The following RBPJ variants were observed in gnomAD, a reference collection of about 807,000 sequenced individuals.
The protein encoded by RBPJ is recombining binding protein suppressor of hairless.
In RBPJ, 9 loss-of-function variants were observed where a neutral mutation model predicts 67.8. The observed-to-expected ratio is 0.13, with a 90% CI of 0.08 to 0.23. The LOEUF (loss-of-function observed/expected upper bound fraction) is 0.23, where lower values mean the gene tolerates loss of function less well. RBPJ is among the 10% of genes least tolerant of loss of function. RBPJ has a pLI of 1.00. For synonymous variants in RBPJ, 198 were observed against 203.3 expected (o/e 0.97, Z 0.22); for missense variants, 305 against 595.6 (o/e 0.51, Z 5.08).
At chr4:26,418,273 T>C (rs1035123868) in intron 4 of RBPJ, among the ~76,000 whole-genome samples, 1 of 152,224 alleles carries the variant, frequency 6.6e-6, no homozygotes, top group Non-Finnish European at 1.5e-5. Flanking sequence ...CGTTAGCTAA[T>C]TTAACCTTTT....
At chr4:26,354,221 C>G (rs1365917012) in intron 1 of RBPJ, among the ~76,000 whole-genome samples, 2 of 152,104 alleles carry the variant, frequency 1.3e-5, no homozygotes, top group South Asian at 2.1e-4. Context: ...CTGAGCCACC[C>G]CGCCCGGCCA....
intron 1 of RBPJ, among the ~76,000 whole-genome samples, chr4:26,268,222 T>C (rs543444021): frequency 8.5e-5 from 13 of 152,160 alleles, no homozygotes; most frequent in Non-Finnish European, 1.8e-4. Flanking sequence ...GAAAACCATG[T>C]TCTTTGTTTG....
At chr4:26,155,306 G>A in the RBPJ span, among the ~76,000 whole-genome samples, 2 of 152,142 alleles carry the variant, frequency 1.3e-5, no homozygotes, top group Admixed American at 1.3e-4. Context: ...CTTCTTCTTA[G>A]CCTCTCAGCC....
intron 1 of RBPJ, among the ~76,000 whole-genome samples, chr4:26,251,213 G>C (rs1247163667): frequency 6.6e-6 from 1 of 152,194 alleles, no homozygotes; most frequent in African/African-American, 2.4e-5. Context: ...CAAACAAAGA[G>C]TAGTGGCAAA....
chr4:26,314,342 C>T (rs1722535047), intron 1 of RBPJ, among the ~76,000 whole-genome samples: 1 of 152,046 alleles, frequency 6.6e-6, no homozygotes, highest in South Asian at 2.1e-4. Context: ...CATGTGTGGG[C>T]ATATTCATAG....
the RBPJ span, among the ~76,000 whole-genome samples, chr4:26,114,082 A>G: frequency 1.3e-5 from 2 of 152,226 alleles, no homozygotes; most frequent in African/African-American, 4.8e-5. Flanking sequence ...CCAAAATTTT[A>G]TTGTAAATAT....
At chr4:26,234,008 AG>A (rs1719373988) in intron 1 of RBPJ, among the ~76,000 whole-genome samples, 1 of 152,212 alleles carries the variant, frequency 6.6e-6, no homozygotes, top group African/African-American at 2.4e-5. Context: ...GGTGGATTCT[AG>A]TTTGGGGTTT....
intron 2 of RBPJ, among the ~76,000 whole-genome samples, chr4:26,393,066 C>T (rs868144498): frequency 6.6e-5 from 10 of 152,036 alleles, no homozygotes; most frequent in African/African-American, 2.2e-4. Flanking sequence ...AGGCTGGTCT[C>T]GAACTCCTGA....
intron 1 of RBPJ, among the ~76,000 whole-genome samples, chr4:26,274,884 A>T (rs1345139663): frequency 6.6e-6 from 1 of 152,088 alleles, no homozygotes; most frequent in African/African-American, 2.4e-5. Flanking sequence ...CAGTGAGCTG[A>T]GATCACGCCA....
At chr4:26,344,245 A>G (rs949768128) in intron 1 of RBPJ, among the ~76,000 whole-genome samples, 11 of 151,366 alleles carry the variant, frequency 7.3e-5, no homozygotes, top group Admixed American at 2.0e-4. Context: ...TTTATTTTTT[A>G]TTTTTTTGAG....
At chr4:26,293,295 G>A (rs945448399) in intron 1 of RBPJ, among the ~76,000 whole-genome samples, 1 of 149,922 alleles carries the variant, frequency 6.7e-6, no homozygotes, top group Non-Finnish European at 1.5e-5. Context: ...TCTGGAAGGT[G>A]GTGCCCTCAG....
At chr4:26,131,787 G>A in the RBPJ span, among the ~76,000 whole-genome samples, 3 of 152,180 alleles carry the variant, frequency 2.0e-5, no homozygotes, top group Admixed American at 2.0e-4. Flanking sequence ...GGCTTCCCAA[G>A]CTGGGAGAGA....
At chr4:26,165,865 C>A (rs7658865) in intron 1 of RBPJ, among the ~76,000 whole-genome samples, 19 of 123,036 alleles carry the variant, frequency 1.5e-4, no homozygotes, top group African/African-American at 5.5e-4. Context: ...ATCCCTCCCC[C>A]CTCCCCCCAC....
chr4:26,410,879 G>A (rs1733942765), intron 3 of RBPJ, among the ~76,000 whole-genome samples: 1 of 152,226 alleles, frequency 6.6e-6, no homozygotes, highest in South Asian at 2.1e-4. Context: ...TTTTAAATGT[G>A]TGCATATCGC....
intron 1 of RBPJ, among the ~76,000 whole-genome samples, chr4:26,340,547 G>A (rs1472500324): frequency 1.3e-5 from 2 of 152,094 alleles, no homozygotes; most frequent in African/African-American, 4.8e-5. Context: ...AGGTAGAGAT[G>A]ATGCTGATAG....
At chr4:26,409,746 CCT>C (rs1161854234) in intron 3 of RBPJ, among the ~76,000 whole-genome samples, 3 of 152,202 alleles carry the variant, frequency 2.0e-5, no homozygotes, top group African/African-American at 7.2e-5. Context: ...GATCTGCCCG[CCT>C]CTGCCTCCCA....
At chr4:26,169,902 T>G (rs1716501158) in intron 1 of RBPJ, among the ~76,000 whole-genome samples, 1 of 152,314 alleles carries the variant, frequency 6.6e-6, no homozygotes, top group Middle Eastern at 3.4e-3. Flanking sequence ...AATCTCCTGG[T>G]GTGCCATTTC....
upstream of RBPJ, among the ~76,000 whole-genome samples, chr4:26,159,869 G>A (rs1477005546): frequency 6.6e-6 from 1 of 151,702 alleles, no homozygotes; most frequent in African/African-American, 2.4e-5. Flanking sequence ...CTCAGGCAGA[G>A]GAAGCTGGAA....
intron 1 of RBPJ, among the ~76,000 whole-genome samples, chr4:26,305,771 CTTTTTTT>C (rs71276617): frequency 0.018 from 1,227 of 67,786 alleles, 36 homozygotes; most frequent in African/African-American, 0.076. Flanking sequence ...ATTTTCTTTT[CTTTTTTT>C]TTTTTTTTTT....
Sources: gnomAD v4.1 joint callset for allele counts (sites outside exome capture counted in the v4.1 genomes callset) on GRCh38, gnomAD v4.1.1 for gene constraint, MANE v1.5 for transcripts, NCBI Gene and HGNC (gene_info 2026-07-23, HGNC 2026-07-21) for gene names.